The following ROBO1 variants were observed in gnomAD, a reference collection of about 807,000 sequenced individuals.
ROBO1 encodes the protein roundabout homolog 1.
In ROBO1, 149 loss-of-function variants were observed where a neutral mutation model predicts 195.9. The observed-to-expected ratio is 0.76, with a 90% CI of 0.67 to 0.87. ROBO1 has a LOEUF of 0.87. ROBO1 is among the 40% of genes least tolerant of loss of function. The pLI is 0.00. For synonymous variants in ROBO1, 816 were observed against 733.2 expected, an observed-to-expected ratio of 1.11 and a Z score of -1.82; for missense variants, 1,933 against 2,068.3, an observed-to-expected ratio of 0.93 and a Z score of 1.27.
chr3:79,550,195 G>GAAAGAAAGGAAAGAAAGAAAAGAAAA lies in ROBO1; in HGVS notation c.88+39628_88+39629insTTTTCTTTTCTTTCTTTCCTTTCTTT. 2.2e-3 allele frequency among the ~76,000 whole-genome samples: 219 copies of GAAAGAAAGGAAAGAAAGAAAAGAAAA among 100,838 alleles called. 15 individuals carry two copies. Among genetic ancestry groups the GAAAGAAAGGAAAGAAAGAAAAGAAAA allele is most frequent in the African/African-American group, 9.6e-3 (205 of 21,442 alleles). 66.2% of individuals were successfully genotyped at this position (100,838 alleles called of 152,430 possible). On this transcript the variant is annotated intron_variant, in intron 2 of 30. Coordinates refer to ENST00000464233, the MANE Select transcript of ROBO1 (RefSeq NM_002941.4). Reference sequence around the variant, plus strand: ...AGAAAGAAAGAAAGAAAGAAAGAAAGGAAAAGAAAAGAAAAGAAAAGAAAA... The same window carrying GAAAGAAAGGAAAGAAAGAAAAGAAAA: ...AGAAAGAAAGAAAGAAAGAAAGAAAGAAAGAAAGGAAAGAAAGAAAAGAAAAGAAAAGAAAAGAAAAGAAAAGAAAA...
At chr3:79,182,620 G>C (rs1227551406) in intron 2 of ROBO1, among the ~76,000 whole-genome samples, 4 of 151,942 alleles carry the variant, frequency 2.6e-5, no homozygotes, top group Admixed American at 2.6e-4. Flanking sequence ...AGATAAGGCT[G>C]AAAATGTAAG....
At chr3:78,621,427 TTG>T (rs1220654188) in intron 26 of ROBO1, among the ~76,000 whole-genome samples, 1 of 152,180 alleles carries the variant, frequency 6.6e-6, no homozygotes, top group Non-Finnish European at 1.5e-5. Flanking sequence ...GCCAGCATTG[TTG>T]TGTTTGGATA....
intron 2 of ROBO1, among the ~76,000 whole-genome samples, chr3:79,204,257 T>A (rs2081823364): frequency 6.6e-6 from 1 of 152,284 alleles, no homozygotes; most frequent in Admixed American, 6.5e-5. Context: ...TTGAAATATC[T>A]TATAAGTTAT....
At chr3:79,150,808 C>T (rs116526056) in intron 2 of ROBO1, among the ~76,000 whole-genome samples, 2,023 of 151,884 alleles carry the variant, frequency 0.013, 24 homozygotes, top group Non-Finnish European at 0.021. Context: ...TCCATGCCCA[C>T]CACCAATACA....
rs139785437 is a variant in ROBO1 at position 79,187,459 on chromosome 3, C to T, written c.89-61920G>A. ...TGAGAATCGCCCTCTAAAGCATGAT[C>T]ATTTCTAATTGGATATATTTTCTCA... On this transcript the variant is annotated intron_variant, in intron 2 of 30. Transcript: ENST00000464233. 2.1e-3 allele frequency among the ~76,000 whole-genome samples: 319 copies of T among 152,098 alleles called. 4 individuals are homozygous for T. Among genetic ancestry groups the T allele is most frequent in the African/African-American group, 6.6e-3 (276 of 41,536 alleles).
chr3:79,476,294 T>G (rs983328859), intron 2 of ROBO1, among the ~76,000 whole-genome samples: 3 of 152,222 alleles, frequency 2.0e-5, no homozygotes, highest in East Asian at 1.9e-4. Context: ...CTGGTGGGAA[T>G]GAAAACTAGT....
intron 2 of ROBO1, among the ~76,000 whole-genome samples, chr3:79,210,596 T>C (rs184811317): frequency 1.3e-5 from 2 of 152,170 alleles, no homozygotes; most frequent in Admixed American, 1.3e-4. Context: ...GAAAAGGAAG[T>C]CTCAAGGACT....
At chr3:79,763,852 TA>T (rs1275221198) in intron 1 of ROBO1, among the ~76,000 whole-genome samples, 4 of 152,164 alleles carry the variant, frequency 2.6e-5, no homozygotes, top group Admixed American at 2.0e-4. Context: ...TCAAGGAGAT[TA>T]AAAAATTATG....
chr3:79,044,977 C>A (rs1166117618), intron 3 of ROBO1, among the ~76,000 whole-genome samples: 3 of 151,888 alleles, frequency 2.0e-5, no homozygotes, highest in Non-Finnish European at 4.4e-5. Context: ...GCACCCCTGG[C>A]TGAAACATAA....
intron 4 of ROBO1, among the ~76,000 whole-genome samples, chr3:78,886,217 G>A (rs2036562648): frequency 6.6e-6 from 1 of 151,854 alleles, no homozygotes; most frequent in African/African-American, 2.4e-5. Context: ...AAAATAAGCT[G>A]ATTAAAAGAA....
intron 2 of ROBO1, among the ~76,000 whole-genome samples, chr3:79,239,192 C>T (rs150356402): frequency 2.0e-5 from 3 of 152,128 alleles, no homozygotes; most frequent in African/African-American, 4.8e-5. Flanking sequence ...CAACAAATAA[C>T]GGCTAAGAAA....
intron 1 of ROBO1, among the ~76,000 whole-genome samples, chr3:79,658,741 C>A (rs1383116269): frequency 6.6e-6 from 1 of 151,488 alleles, no homozygotes; most frequent in Non-Finnish European, 1.5e-5. Context: ...GGGGACATTA[C>A]AATTGTACTC....
At chr3:78,607,775 A>G (rs1437767490) in intron 28 of ROBO1, among the ~76,000 whole-genome samples, 1 of 152,154 alleles carries the variant, frequency 6.6e-6, no homozygotes, top group African/African-American at 2.4e-5. Flanking sequence ...TCTCTAATCT[A>G]GCCTAAATCT....
chr3:78,634,250 A>C (rs1705354693), intron 23 of ROBO1, among the ~76,000 whole-genome samples: 1 of 151,780 alleles, frequency 6.6e-6, no homozygotes, highest in Non-Finnish European at 1.5e-5. Flanking sequence ...AACTTTAATA[A>C]TATAATATCA....
chr3:79,482,744 G>A (rs1179517797), intron 2 of ROBO1, among the ~76,000 whole-genome samples: 3 of 152,182 alleles, frequency 2.0e-5, no homozygotes, highest in African/African-American at 7.2e-5. Flanking sequence ...CTAAAAAACA[G>A]ATCTTCTAAG....
chr3:78,722,693 A>T (rs963835228), intron 5 of ROBO1, among the ~76,000 whole-genome samples: 2 of 152,174 alleles, frequency 1.3e-5, no homozygotes, highest in African/African-American at 4.8e-5. Context: ...TGACATTTTT[A>T]AAAAGGATTT....
chr3:79,051,810 A>C (rs1170567997), intron 3 of ROBO1, among the ~76,000 whole-genome samples: 1 of 152,110 alleles, frequency 6.6e-6, no homozygotes, highest in East Asian at 1.9e-4. Context: ...GCAATCTCTG[A>C]ACATAAATTG....
chr3:78,861,678 C>G (rs2107003868), intron 4 of ROBO1, among the ~76,000 whole-genome samples: 1 of 152,246 alleles, frequency 6.6e-6, no homozygotes, highest in East Asian at 1.9e-4. Flanking sequence ...ACTTCAAAAG[C>G]TACCTATTCA....
chr3:78,600,910 C>T (rs1046537585), intron 29 of ROBO1, among the ~76,000 whole-genome samples: 3 of 152,156 alleles, frequency 2.0e-5, no homozygotes, highest in Non-Finnish European at 2.9e-5. Context: ...AAATATCAAC[C>T]TCCACGTCAA....
Sources: gnomAD v4.1 joint callset for allele counts (sites outside exome capture counted in the v4.1 genomes callset) on GRCh38, gnomAD v4.1.1 for gene constraint, MANE v1.5 for transcripts, NCBI Gene and HGNC (gene_info 2026-07-23, HGNC 2026-07-21) for gene names.